Variants in PLEKHA6 observed in about 807,000 individuals in gnomAD.
PLEKHA6 encodes the protein pleckstrin homology domain containing A6.
A neutral mutation model predicts 116.7 loss-of-function variants in PLEKHA6; 60 were observed. That is an observed-to-expected ratio of 0.51 (90% CI 0.42 to 0.64). PLEKHA6 has a LOEUF of 0.64. PLEKHA6 is among the 30% of genes least tolerant of loss of function. PLEKHA6 has a pLI of 0.00. For missense variants in PLEKHA6, 1,338 were observed against 1,422.7 expected (o/e 0.94, Z 0.96); for synonymous variants, 489 against 556.1 (o/e 0.88, Z 1.70).
At position 204,335,758 on chromosome 1, in the gene PLEKHA6, G is replaced by C. The variant is rs138762217; in HGVS notation, c.-95+23936C>G. Among the ~76,000 whole-genome samples, 4 of 152,166 alleles carry C rather than the reference G, an allele frequency of 2.6e-5. No individual in the cohort carries two copies. The East Asian group carries it at 7.8e-4, about 30-fold the overall frequency. On this transcript the variant is annotated intron_variant, in intron 1 of 22. Transcript: ENST00000272203. ...AATGCTGAGCCCCGGGGGAGTGAAA[G>C]GGCCAGCTGCTCTGAGCTGGGCTGT... is the stretch of plus-strand genomic sequence containing the variant.
rs530522932 is a variant in PLEKHA6 at position 204,259,983 on chromosome 1, C to G, written c.525-243G>C. Among the ~76,000 whole-genome samples the G allele has an allele frequency of 1.2e-4, 18 of 152,284 alleles. No homozygotes were observed. The highest frequency in any genetic ancestry group is 1.2e-3 in the East Asian group (6 of 5,184). On this transcript the variant is annotated intron_variant, in intron 7 of 22. Transcript: ENST00000272203. This position sits in a 1 kb window ranked among gnomAD's most constrained non-coding sequence, Gnocchi z 4.6. Reference sequence around the variant, plus strand: ...CACCTGCTGTGTTAACTCTGCCCCCCACGTCTTCTCTGCAGGTCATTCTCC... The same window carrying G: ...CACCTGCTGTGTTAACTCTGCCCCCGACGTCTTCTCTGCAGGTCATTCTCC...
chr1:204,275,024 C>A, intron 1 of PLEKHA6: 1 of 813,254 alleles, frequency 1.2e-6, no homozygotes, highest in Non-Finnish European at 1.5e-6. Context: ...TGGTCACCTC[C>A]CACTAGTCAG....
chr1:204,307,648 G>A (rs540295623), intron 1 of PLEKHA6, among the ~76,000 whole-genome samples: 1 of 152,342 alleles, frequency 6.6e-6, no homozygotes, highest in Admixed American at 6.5e-5. Context: ...CCAGTTCCTC[G>A]GGTCTGATGG....
chr1:204,290,386 G>A (rs569830336), intron 1 of PLEKHA6, among the ~76,000 whole-genome samples: 1 of 152,252 alleles, frequency 6.6e-6, no homozygotes, highest in African/African-American at 2.4e-5. Context: ...CACACATTTT[G>A]GTCAATTGGT....
chr1:204,267,994 C>T (rs533811914), intron 4 of PLEKHA6, among the ~76,000 whole-genome samples: 2,038 of 152,090 alleles, frequency 0.013, 21 homozygotes, highest in Non-Finnish European at 0.022. Context: ...ATCAGGAAAC[C>T]GGGCTGGGTT....
intron 9 of PLEKHA6, chr1:204,251,509 T>C (rs750446505): frequency 2.8e-6 from 2 of 702,302 alleles, no homozygotes; most frequent in South Asian, 3.0e-5. Flanking sequence ...GCAGGGACCA[T>C]GCTGCCAGGC....
Position 204,261,223 on chromosome 1 carries a change from T to TA in PLEKHA6, c.524+82dup. On this transcript the variant is annotated intron_variant, in intron 7 of 22. Coordinates refer to ENST00000272203, the MANE Select transcript of PLEKHA6 (RefSeq NM_014935.5). This position sits in a 1 kb window ranked among gnomAD's most constrained non-coding sequence, Gnocchi z 4.0. ...GGGCTTCAAGTAGGCACACTGGGATTAGCAATGGCCCAGAGCTGGGTGTGT... is the reference window on the plus strand; with the variant it reads ...GGGCTTCAAGTAGGCACACTGGGATTAAGCAATGGCCCAGAGCTGGGTGTGT... The TA allele has an allele frequency of 6.6e-7, 1 of 1,512,048 alleles. No homozygotes were observed. The highest frequency in any genetic ancestry group is 1.1e-5 in the South Asian group (1 of 88,448). 93.7% of individuals were successfully genotyped at this position (1,512,048 alleles called of 1,614,324 possible). A position where few individuals can be genotyped will look rare whatever the true frequency, so the allele number is the denominator to read the frequency against.
upstream of PLEKHA6, among the ~76,000 whole-genome samples, chr1:204,363,430 G>A (rs938546419): frequency 1.3e-5 from 2 of 152,232 alleles, no homozygotes; most frequent in African/African-American, 2.4e-5. Context: ...CCAACGGCTG[G>A]GTGGGGTTCC....
intron 9 of PLEKHA6, chr1:204,251,610 A>G (rs1336423336): frequency 1.4e-6 from 1 of 702,766 alleles, no homozygotes; most frequent in South Asian, 1.5e-5. Context: ...GCTCTCACTC[A>G]TCTGCAGCAG....
intron 9 of PLEKHA6, among the ~76,000 whole-genome samples, chr1:204,255,083 C>T (rs574811621): frequency 2.6e-5 from 4 of 152,116 alleles, no homozygotes; most frequent in Non-Finnish European, 4.4e-5. Context: ...CAGGAATGCA[C>T]GAGCTGTTTA....
intron 1 of PLEKHA6, among the ~76,000 whole-genome samples, chr1:204,320,199 T>C (rs1476781396): frequency 6.6e-6 from 1 of 152,178 alleles, no homozygotes; most frequent in African/African-American, 2.4e-5. Context: ...CCTTCATGCC[T>C]CCATGTCCAC....
rs146418097 is a variant in PLEKHA6, at chr1:204,230,478, G to A, written c.2518C>T (p.Arg840Trp). 3.1e-5 allele frequency: 49 copies of A among 1,582,100 alleles called. No individual in the cohort carries two copies. The highest frequency in any genetic ancestry group is 4.6e-5 in the East Asian group (2 of 43,894). Residue 840 changes from arginine to tryptophan, a missense_variant, in exon 18 of 23, where the codon CGG (arginine) becomes TGG (tryptophan). Arg to Trp is a moderately radical substitution (Grantham distance 101). Coordinates refer to ENST00000272203, the MANE Select transcript of PLEKHA6 (RefSeq NM_014935.5). ...CTGGCCGGGAGCTGCAGGCTCCTCCGCTTCTCCCTCATGGAGCCACTCTGG... is the reference window on the plus strand; with the variant it reads ...CTGGCCGGGAGCTGCAGGCTCCTCCACTTCTCCCTCATGGAGCCACTCTGG... ...RHQSGSMREK[R>W]RSLQLPASPA...
chr1:204,361,506 G>A (rs1289486166), upstream of PLEKHA6, among the ~76,000 whole-genome samples: 2 of 152,246 alleles, frequency 1.3e-5, no homozygotes, highest in African/African-American at 4.8e-5. Flanking sequence ...GGCAGGCCAG[G>A]CTGGAGCCAG....
At position 204,257,429 on chromosome 1, in the gene PLEKHA6, C is replaced by T. The variant is rs970998336; in HGVS notation, c.1448G>A (p.Arg483Gln). The change falls in exon 9 of 23, where the codon CGG becomes CAG. Residue 483 changes from arginine to glutamine, a missense_variant. Coordinates refer to ENST00000272203, the MANE Select transcript of PLEKHA6 (RefSeq NM_014935.5). The surrounding 1 kb of genome is among the most constrained non-coding windows in gnomAD (Gnocchi z 6.5). ...PVRSPSARFE[R>Q]LPPRSEDIYA... ...GATGTCCTCACTGCGAGGTGGCAGC[C>T]GCTCAAAACGGGCACTGGGTGAGCG... 19 of 1,565,834 alleles carry T rather than the reference C, an allele frequency of 1.2e-5. No individual in the cohort carries two copies. Among genetic ancestry groups the T allele is most frequent in the African/African-American group, 2.7e-5 (2 of 74,006 alleles).
intron 1 of PLEKHA6, among the ~76,000 whole-genome samples, chr1:204,308,687 C>CTTTCTTTTTTTTTTTTTT (rs775770952): frequency 1.2e-5 from 1 of 81,404 alleles, no homozygotes; most frequent in African/African-American, 5.4e-5. Flanking sequence ...TTTTCTTTTT[C>CTTTCTTTTTTTTTTTTTT]TTTTTTTTTT....
upstream of PLEKHA6, among the ~76,000 whole-genome samples, chr1:204,360,397 A>G (rs1356926618): frequency 2.1e-5 from 3 of 142,198 alleles, no homozygotes; most frequent in Non-Finnish European, 3.1e-5. Flanking sequence ...CCCCCCCAAT[A>G]TGGTGAATTT....
chr1:204,278,837 C>G (rs142838027), intron 1 of PLEKHA6, among the ~76,000 whole-genome samples: 1 of 152,252 alleles, frequency 6.6e-6, no homozygotes, highest in South Asian at 2.1e-4. Flanking sequence ...ATAACAGGTG[C>G]TCGATAAATA....
intron 1 of PLEKHA6, among the ~76,000 whole-genome samples, chr1:204,288,106 G>T (rs764727273): frequency 6.6e-6 from 1 of 151,988 alleles, no homozygotes; most frequent in Non-Finnish European, 1.5e-5. Context: ...CTTACTCACC[G>T]GCTCTTCTTT....
chr1:204,336,222 T>C (rs1672642797), intron 1 of PLEKHA6, among the ~76,000 whole-genome samples: 1 of 152,204 alleles, frequency 6.6e-6, no homozygotes, highest in Non-Finnish European at 1.5e-5. Flanking sequence ...GCAACCCACC[T>C]GCACCAAGTC....
Sources: gnomAD v4.1 joint callset for allele counts (sites outside exome capture counted in the v4.1 genomes callset) on GRCh38, gnomAD v4.1.1 for gene constraint, Gnocchi (gnomAD v3.1) non-coding constraint, MANE v1.5 for transcripts, NCBI Gene and HGNC (gene_info 2026-07-23, HGNC 2026-07-21) for gene names.